Variants in GPC5 observed in about 807,000 individuals in gnomAD.
The protein encoded by GPC5 is glypican-5.
A neutral mutation model predicts 53.9 loss-of-function variants in GPC5; 47 were observed. That is an observed-to-expected ratio of 0.87 (90% CI 0.69 to 1.11). The LOEUF (loss-of-function observed/expected upper bound fraction) is 1.11, where lower values mean the gene tolerates loss of function less well. Ranked by LOEUF, GPC5 falls within the 50% of genes most tolerant of loss-of-function variation. The pLI is 0.00. For missense variants in GPC5, 748 were observed against 713.1 expected, an observed-to-expected ratio of 1.05 and a Z score of -0.56; for synonymous variants, 286 against 263.3, an observed-to-expected ratio of 1.09 and a Z score of -0.84.
intron 6 of GPC5, among the ~76,000 whole-genome samples, chr13:92,045,752 G>A (rs562929145): frequency 6.6e-6 from 1 of 152,280 alleles, no homozygotes; most frequent in African/African-American, 2.4e-5. Flanking sequence ...TGATACAGGA[G>A]AACTATGGCA....
chr13:91,860,745 G>A (rs909596405), intron 5 of GPC5, among the ~76,000 whole-genome samples: 2 of 151,864 alleles, frequency 1.3e-5, no homozygotes, highest in African/African-American at 2.4e-5. Context: ...CCAGTGATCC[G>A]CCTACCTCGG....
chr13:92,220,047 G>A (rs940335924), intron 7 of GPC5, among the ~76,000 whole-genome samples: 1 of 152,060 alleles, frequency 6.6e-6, no homozygotes, highest in African/African-American at 2.4e-5. Flanking sequence ...GCCTCCACTG[G>A]TAACACTATA....
intron 7 of GPC5, among the ~76,000 whole-genome samples, chr13:92,795,080 A>T (rs925929350): frequency 3.3e-5 from 5 of 152,176 alleles, no homozygotes; most frequent in Non-Finnish European, 5.9e-5. Flanking sequence ...TAGCCAAGAG[A>T]ATCCTAAGCA....
At chr13:92,737,760 C>CTTTTTTTTTTTTT (rs1403603549) in intron 7 of GPC5, among the ~76,000 whole-genome samples, 3 of 62,472 alleles carry the variant, frequency 4.8e-5, no homozygotes, top group African/African-American at 5.3e-5. Context: ...TTTTTTTTTT[C>CTTTTTTTTTTTTT]TTTTTCTTTT....
At chr13:91,912,348 C>G (rs1193001323) in intron 6 of GPC5, among the ~76,000 whole-genome samples, 1 of 151,194 alleles carries the variant, frequency 6.6e-6, no homozygotes, top group East Asian at 1.9e-4. Context: ...GAGACTCTGT[C>G]TCCCAACAAC....
At chr13:92,824,726 G>A (rs1186519514) in intron 7 of GPC5, among the ~76,000 whole-genome samples, 32 of 150,100 alleles carry the variant, frequency 2.1e-4, no homozygotes, top group Admixed American at 4.7e-4. Flanking sequence ...AATGCCTTTT[G>A]AAAAAAAAAA....
At chr13:92,306,468 T>C (rs1230593866) in intron 7 of GPC5, among the ~76,000 whole-genome samples, 1 of 152,174 alleles carries the variant, frequency 6.6e-6, no homozygotes, top group East Asian at 1.9e-4. Flanking sequence ...TGACACGGAA[T>C]TGTCTCAAGA....
intron 2 of GPC5, among the ~76,000 whole-genome samples, chr13:91,487,883 C>T (rs1883705737): frequency 6.6e-6 from 1 of 151,454 alleles, no homozygotes; most frequent in Admixed American, 6.6e-5. Context: ...AAAGTATTTG[C>T]CAAGAGAATA....
At chr13:92,666,928 A>G (rs1886589117) in intron 7 of GPC5, among the ~76,000 whole-genome samples, 1 of 152,070 alleles carries the variant, frequency 6.6e-6, no homozygotes, top group South Asian at 2.1e-4. Context: ...CTCATTTGTC[A>G]CTCCTTCTCG....
intron 6 of GPC5, among the ~76,000 whole-genome samples, chr13:92,053,004 C>A (rs2041043226): frequency 6.6e-6 from 1 of 152,138 alleles, no homozygotes; most frequent in South Asian, 2.1e-4. Context: ...TACTGTAAAT[C>A]ATGTTTGTTC....
At chr13:92,316,751 A>G (rs1165432080) in intron 7 of GPC5, among the ~76,000 whole-genome samples, 1 of 152,162 alleles carries the variant, frequency 6.6e-6, no homozygotes, top group East Asian at 1.9e-4. Context: ...CATCTGCATC[A>G]GAGTTTTAAA....
chr13:92,174,638 T>TA (rs1229878874), intron 7 of GPC5, among the ~76,000 whole-genome samples: 1 of 152,148 alleles, frequency 6.6e-6, no homozygotes, highest in East Asian at 1.9e-4. Flanking sequence ...CTTCTTTACT[T>TA]AAAAACAGCA....
At chr13:92,684,724 G>A (rs1308895613) in intron 7 of GPC5, among the ~76,000 whole-genome samples, 2 of 152,110 alleles carry the variant, frequency 1.3e-5, no homozygotes, top group Non-Finnish European at 2.9e-5. Flanking sequence ...GTTTTGTGGG[G>A]CATAAGTTTT....
chr13:92,368,315 GAGGCTATACTCCT>G (rs1432811284), intron 7 of GPC5, among the ~76,000 whole-genome samples: 2 of 151,334 alleles, frequency 1.3e-5, no homozygotes, highest in Non-Finnish European at 2.9e-5. Context: ...CAGTAAACTG[GAGGCTATACTCCT>G]AGCCTCAGAA....
chr13:92,675,699 C>T (rs901716457), intron 7 of GPC5, among the ~76,000 whole-genome samples: 1 of 151,796 alleles, frequency 6.6e-6, no homozygotes, highest in African/African-American at 2.4e-5. Flanking sequence ...TTACTTAGCA[C>T]GTGCTTTAAT....
intron 2 of GPC5, among the ~76,000 whole-genome samples, chr13:91,655,283 T>A (rs1193440571): frequency 6.6e-6 from 1 of 151,980 alleles, no homozygotes; most frequent in Admixed American, 6.6e-5. Context: ...TTAGGGAAAA[T>A]TCTGTGTGTG....
At chr13:91,908,461 CA>C (rs1433044304) in intron 6 of GPC5, among the ~76,000 whole-genome samples, 1 of 152,024 alleles carries the variant, frequency 6.6e-6, no homozygotes, top group Non-Finnish European at 1.5e-5. Flanking sequence ...TGCAGCATTT[CA>C]ATATAAGTTA....
chr13:91,781,790 T>G (rs2138722452), intron 5 of GPC5, among the ~76,000 whole-genome samples: 1 of 152,336 alleles, frequency 6.6e-6, no homozygotes, highest in Admixed American at 6.5e-5. Context: ...GCTTGTGACT[T>G]TTAATCTTCG....
chr13:92,368,218 C>A (rs907518023), intron 7 of GPC5, among the ~76,000 whole-genome samples: 8 of 151,758 alleles, frequency 5.3e-5, no homozygotes, highest in African/African-American at 1.9e-4. Flanking sequence ...CTCCTGACCT[C>A]AAGTGATCCG....
Sources: gnomAD v4.1 joint callset for allele counts (sites outside exome capture counted in the v4.1 genomes callset) on GRCh38, gnomAD v4.1.1 for gene constraint, MANE v1.5 for transcripts, NCBI Gene and HGNC (gene_info 2026-07-23, HGNC 2026-07-21) for gene names.